The following SLX9 variants were observed in gnomAD, a reference collection of about 807,000 sequenced individuals.
SLX9 encodes the protein ribosome biogenesis protein SLX9 homolog.
Under a neutral mutation model 20.8 loss-of-function variants are expected in SLX9, and 19 were observed. The ratio of observed to expected loss-of-function variants is 0.91; its 90% confidence interval spans 0.64 to 1.34. SLX9 has a LOEUF of 1.34. Ranked by LOEUF, SLX9 falls within the 40% of genes most tolerant of loss-of-function variation. SLX9 has a pLI of 0.00. For synonymous variants in SLX9, 113 were observed against 137.1 expected, an observed-to-expected ratio of 0.82 and a Z score of 1.23; for missense variants, 299 against 322.2, an observed-to-expected ratio of 0.93 and a Z score of 0.55.
At chr21:44,958,901 C>CTTCAT (rs1156859776) in intron 2 of SLX9, among the ~76,000 whole-genome samples, 2 of 152,252 alleles carry the variant, frequency 1.3e-5, no homozygotes, top group Non-Finnish European at 2.9e-5. Context: ...GCCTCGTTTT[C>CTTCAT]TTCATTCCAA....
chr21:44,960,999 G>C (rs1338452249), intron 3 of SLX9, among the ~76,000 whole-genome samples: 2 of 152,160 alleles, frequency 1.3e-5, no homozygotes, highest in Admixed American at 1.3e-4. Context: ...ATGTTTTTCA[G>C]AGGTAGGACC....
At chr21:44,971,939 C>T (rs944349584) in intron 4 of SLX9, among the ~76,000 whole-genome samples, 2 of 152,132 alleles carry the variant, frequency 1.3e-5, no homozygotes, top group Non-Finnish European at 2.9e-5. Context: ...ACGGGAGATG[C>T]GAGGGGCTGT....
At chr21:44,943,954 C>A in intron 2 of SLX9, 117 bp downstream of exon 2, 1 of 1,395,698 alleles carries the variant, frequency 7.2e-7, no homozygotes. Flanking sequence ...TGTCCTTGAG[C>A]AAGGGATGCC....
At chr21:44,971,423 G>A (rs1452579168) in intron 4 of SLX9, among the ~76,000 whole-genome samples, 2 of 152,270 alleles carry the variant, frequency 1.3e-5, no homozygotes, top group African/African-American at 2.4e-5. Flanking sequence ...AGGATGGGGT[G>A]TGGGACGCGT....
At chr21:44,950,596 C>A (rs571450165) in intron 2 of SLX9, among the ~76,000 whole-genome samples, 3 of 152,232 alleles carry the variant, frequency 2.0e-5, no homozygotes, top group Non-Finnish European at 4.4e-5. Context: ...GTTGTTGAGA[C>A]GCTAGACCAG....
chr21:44,944,795 C>G (rs1171093165), intron 2 of SLX9, among the ~76,000 whole-genome samples: 2 of 152,218 alleles, frequency 1.3e-5, no homozygotes, highest in Non-Finnish European at 2.9e-5. Flanking sequence ...CCGTTAAGAT[C>G]GTGGGCTCTG....
chr21:44,970,070 GA>G (rs61418251), intron 4 of SLX9, among the ~76,000 whole-genome samples: 10,416 of 152,280 alleles, frequency 0.068, 1,177 homozygotes, highest in African/African-American at 0.23. Context: ...GACTCACCGT[GA>G]GGCTGAGCTG....
At chr21:44,940,457 C>G (rs993283638) in intron 1 of SLX9, among the ~76,000 whole-genome samples, 1 of 152,300 alleles carries the variant, frequency 6.6e-6, no homozygotes, top group South Asian at 2.1e-4. Flanking sequence ...GGTTGCCACG[C>G]GGACCCCAGA....
At chr21:44,959,844 C>T (rs971697712) in intron 2 of SLX9, among the ~76,000 whole-genome samples, 10 of 152,220 alleles carry the variant, frequency 6.6e-5, no homozygotes, top group Admixed American at 5.9e-4. Flanking sequence ...CACCTGCTTT[C>T]CGGGGCAGGC....
At chr21:44,958,038 C>T (rs537162406) in intron 2 of SLX9, among the ~76,000 whole-genome samples, 14 of 152,350 alleles carry the variant, frequency 9.2e-5, no homozygotes, top group East Asian at 3.9e-4. Flanking sequence ...CTCGGCTGGC[C>T]GGCGATTGTA....
chr21:44,960,639 G>A (rs1601404102), intron 3 of SLX9, among the ~76,000 whole-genome samples: 1 of 152,284 alleles, frequency 6.6e-6, no homozygotes, highest in Admixed American at 6.5e-5. Context: ...GGTGAAAACA[G>A]TGTCTGCGCA....
Position 44,941,017 on chromosome 21 carries a change from C to G in SLX9, c.129+831C>G, listed in dbSNP as rs143928548. Among the ~76,000 whole-genome samples, 46 of 152,018 alleles carry G rather than the reference C, an allele frequency of 3.0e-4. No individual in the cohort carries two copies. In the East Asian group the frequency reaches 8.7e-3, roughly 29 times the overall value. On this transcript the variant is annotated intron_variant, in intron 1 of 5. Coordinates refer to ENST00000291634, the MANE Select transcript of SLX9 (RefSeq NM_058190.4). ...CTGCCAGCCCAGAGGTGCTTTTGAA[C>G]CTTTCCAGTGAAATTTTCATTTTTT...
At chr21:44,967,214 C>T (rs1475035811) in intron 4 of SLX9, 33 bp downstream of exon 4, 3 of 1,537,032 alleles carry the variant, frequency 2.0e-6, no homozygotes, top group Non-Finnish European at 2.6e-6. Flanking sequence ...CCTTTCCGAG[C>T]TGTGGGGCTG....
chr21:44,955,220 AAAG>A (rs2084833678), intron 2 of SLX9, among the ~76,000 whole-genome samples: 1 of 150,732 alleles, frequency 6.6e-6, no homozygotes, highest in Non-Finnish European at 1.5e-5. Context: ...AAAAAAAAAA[AAAG>A]AAGTAAGAAA....
At chr21:44,961,246 G>GT (rs2084945331) in intron 3 of SLX9, among the ~76,000 whole-genome samples, 1 of 149,204 alleles carries the variant, frequency 6.7e-6, no homozygotes, top group Non-Finnish European at 1.5e-5. Context: ...CTTTTTTTTT[G>GT]TTTTTTCACA....
At chr21:44,968,462 C>T (rs943750872) in intron 4 of SLX9, among the ~76,000 whole-genome samples, 2 of 152,270 alleles carry the variant, frequency 1.3e-5, no homozygotes, top group Non-Finnish European at 2.9e-5. Flanking sequence ...ATGACCCTCC[C>T]TGTCACCTCG....
chr21:44,942,949 A>G (rs2084575398), intron 1 of SLX9, among the ~76,000 whole-genome samples: 1 of 152,204 alleles, frequency 6.6e-6, no homozygotes, highest in Non-Finnish European at 1.5e-5. Flanking sequence ...GGAGGGGGTT[A>G]ATATGCCCTC....
intron 3 of SLX9, among the ~76,000 whole-genome samples, chr21:44,964,997 C>G (rs192889715): frequency 3.7e-4 from 56 of 152,350 alleles, no homozygotes; most frequent in Middle Eastern, 6.8e-3. Context: ...ACTGAGTGTT[C>G]ATCAGCACTT....
At chr21:44,968,973 T>A (rs1178975684) in intron 4 of SLX9, 2 of 361,770 alleles carry the variant, frequency 5.5e-6, no homozygotes, top group African/African-American at 4.3e-5. Context: ...CAGGATGGTC[T>A]AGATCTCCTG....
Sources: gnomAD v4.1 joint callset for allele counts (sites outside exome capture counted in the v4.1 genomes callset) on GRCh38, gnomAD v4.1.1 for gene constraint, MANE v1.5 for transcripts, NCBI Gene and HGNC (gene_info 2026-07-23, HGNC 2026-07-21) for gene names.